Variants in HERC6 observed in about 807,000 individuals in gnomAD.
The protein encoded by HERC6 is probable E3 ubiquitin-protein ligase HERC6.
HERC6 carries 101 observed loss-of-function variants against 114.5 expected under a neutral mutation model. The observed-to-expected ratio is 0.88, with a 90% CI of 0.75 to 1.04. HERC6 has a LOEUF of 1.04. Among genes scored for constraint, HERC6 ranks in the 50% least tolerant of loss-of-function variants. The pLI is 0.00. For synonymous variants in HERC6, 408 were observed against 436.2 expected, an observed-to-expected ratio of 0.94 and a Z score of 0.81; for missense variants, 1,133 against 1,230.9, an observed-to-expected ratio of 0.92 and a Z score of 1.19.
At chr4:88,410,987 T>C (rs1736065908) in intron 11 of HERC6, among the ~76,000 whole-genome samples, 1 of 152,188 alleles carries the variant, frequency 6.6e-6, no homozygotes, top group Non-Finnish European at 1.5e-5. Context: ...TCTGCATTAG[T>C]TAGATAAAAG....
At chr4:88,396,371 G>T (rs1735229492) in intron 6 of HERC6, among the ~76,000 whole-genome samples, 1 of 152,150 alleles carries the variant, frequency 6.6e-6, no homozygotes, top group Admixed American at 6.5e-5. Flanking sequence ...TGTACCAGGT[G>T]CTGGAGAATG....
At chr4:88,432,685 C>T (rs762183678) in intron 17 of HERC6, among the ~76,000 whole-genome samples, 5 of 151,222 alleles carry the variant, frequency 3.3e-5, no homozygotes, top group South Asian at 4.2e-4. Context: ...GCTGAGATTG[C>T]GCCATAGCAC....
At chr4:88,412,959 A>T (rs927074592) in intron 11 of HERC6, 118 bp from the exon 12 acceptor site, 26 of 718,112 alleles carry the variant, frequency 3.6e-5, no homozygotes, top group Non-Finnish European at 5.6e-5. Context: ...AGAATGGCTA[A>T]GTGATTATTC....
chr4:88,428,520 A>G (rs1345026358), intron 15 of HERC6, 60 bp from the exon 16 acceptor site: 3 of 1,316,436 alleles, frequency 2.3e-6, no homozygotes, highest in Non-Finnish European at 3.1e-6. Flanking sequence ...AGTATTAAAC[A>G]ATCCTTGGGA....
chr4:88,398,262 A>G lies in HERC6; in HGVS notation c.1092+53A>G, dbSNP rs550935085. On this transcript the variant is annotated intron_variant, in intron 8 of 22. Transcript: ENST00000264346. ...AAAAATTATTTTTTCTCAAGATTTC[A>G]GACCGGTATTTGAAATACTGTATTA... 10 of 1,140,066 alleles carry G rather than the reference A, an allele frequency of 8.8e-6. No homozygotes were observed. The South Asian group carries it at 1.6e-4, about 18-fold the overall frequency. The allele number at this position is 1,140,066 out of a possible 1,614,324, so 70.6% of individuals were successfully genotyped here. A position where few individuals can be genotyped will look rare whatever the true frequency, so the allele number is the denominator to read the frequency against.
At chr4:88,408,963 A>C (rs1200517565) in intron 11 of HERC6, among the ~76,000 whole-genome samples, 1 of 152,096 alleles carries the variant, frequency 6.6e-6, no homozygotes, top group Non-Finnish European at 1.5e-5. Context: ...TAGGGAATAG[A>C]AACTGTCCTC....
chr4:88,419,974 C>T (rs920145422), intron 13 of HERC6, among the ~76,000 whole-genome samples: 2 of 151,956 alleles, frequency 1.3e-5, no homozygotes, highest in Admixed American at 6.6e-5. Context: ...CTCCCTCTCC[C>T]TCAAACATTG....
At chr4:88,412,980 A>G (rs1578393750) in intron 11 of HERC6, 97 bp from the exon 12 acceptor site, 2 of 832,838 alleles carry the variant, frequency 2.4e-6, no homozygotes, top group Non-Finnish European at 3.8e-6. Context: ...TAATTGGAAC[A>G]TGGTGGAGTG....
intron 15 of HERC6, among the ~76,000 whole-genome samples, chr4:88,424,918 C>T (rs1318326886): frequency 6.6e-6 from 1 of 152,160 alleles, no homozygotes; most frequent in Non-Finnish European, 1.5e-5. Context: ...TACTTCAATG[C>T]ATTATTTCTG....
rs367578897 is a variant in HERC6 at position 88,428,739 on chromosome 4, A to G, written c.2095A>G (p.Lys699Glu). The G allele has an allele frequency of 2.4e-5, 37 of 1,571,224 alleles. No homozygotes were observed. In the African/African-American group the frequency reaches 4.1e-4, roughly 17 times the overall value. ...LSQAEATDFC[K>E]VLVVEFINEI... Reference sequence around the variant, plus strand: ...TCAAGCTGAAGCTACTGACTTCTGCAAAGTATTAGTGGTACAGTAAAAAGT... The same window carrying G: ...TCAAGCTGAAGCTACTGACTTCTGCGAAGTATTAGTGGTACAGTAAAAAGT... The change falls in exon 16 of 23, where the codon AAA (lysine) becomes GAA (glutamate). Residue 699 changes from lysine to glutamate, a missense_variant. Lys to Glu is a moderately conservative substitution (Grantham distance 56, BLOSUM62 1). Transcript: ENST00000264346.
chr4:88,426,021 G>A lies in HERC6; in HGVS notation c.1935+1319G>A, dbSNP rs114983920. 3.2e-3 allele frequency among the ~76,000 whole-genome samples: 484 copies of A among 152,050 alleles called. 2 individuals are homozygous for A. The highest frequency in any genetic ancestry group is 0.011 in the African/African-American group (450 of 41,446). ...GTTATTCATTCCCTTTTTATACCCC[G>A]CTAATTACATGGCTTACATGACATT... On this transcript the variant is annotated intron_variant, in intron 15 of 22. Transcript: ENST00000264346.
intron 11 of HERC6, among the ~76,000 whole-genome samples, chr4:88,409,226 T>C (rs924811167): frequency 2.6e-5 from 4 of 152,210 alleles, no homozygotes; most frequent in Admixed American, 6.5e-5. Context: ...TCATTAGTTT[T>C]ACAAGAACAA....
intron 13 of HERC6, among the ~76,000 whole-genome samples, chr4:88,421,431 G>A (rs1245980594): frequency 4.0e-5 from 6 of 149,824 alleles, no homozygotes; most frequent in East Asian, 3.9e-4. Context: ...GTTTTTCCAC[G>A]TTCTTTTTTC....
At chr4:88,390,587 TA>T (rs2148875114) in intron 3 of HERC6, 64 bp from the exon 4 acceptor site, 1 of 1,341,632 alleles carries the variant, frequency 7.5e-7, no homozygotes, top group Non-Finnish European at 1.0e-6. Context: ...GTAGAATTAG[TA>T]GTTTCTATTT....
rs756622815 is a variant in HERC6, at chr4:88,435,882, G to A, written c.2408G>A (p.Arg803Gln). The A allele has an allele frequency of 6.9e-6, 11 of 1,599,732 alleles. No homozygotes were observed. Among genetic ancestry groups the A allele is most frequent in the East Asian group, 6.7e-5 (3 of 44,616 alleles). ...SLEDLKELSP[R>Q]LGKSLQEVLD... ...GAAGATTTAAAAGAACTCAGTCCTC[G>A]GTTGGGGAAGTAAGTAAATATAACG... Residue 803 changes from arginine to glutamine, a missense_variant, in exon 18 of 23, where the codon CGG becomes CAG. Physicochemically the swap from Arg to Gln is conservative, Grantham distance 43. This residue lies in a region of HERC6 where 388 missense variants were observed against 445.9 expected (regional missense o/e 0.87). Transcript: ENST00000264346.
intron 2 of HERC6, among the ~76,000 whole-genome samples, chr4:88,385,274 T>G (rs1734516180): frequency 1.3e-5 from 2 of 152,232 alleles, no homozygotes; most frequent in South Asian, 4.1e-4. Flanking sequence ...CAATGGCTTT[T>G]GCATTTATAT....
Position 88,405,684 on chromosome 4 carries a change from G to C in HERC6, c.1274+71G>C, listed in dbSNP as rs142529762. The C allele has an allele frequency of 5.0e-4, 402 of 807,084 alleles. 2 individuals carry two copies. The African/African-American group carries it at 6.0e-3, about 12-fold the overall frequency. 50.0% of individuals were successfully genotyped at this position (807,084 alleles called of 1,614,324 possible). On this transcript the variant is annotated intron_variant, in intron 10 of 22. Coordinates refer to ENST00000264346, the MANE Select transcript of HERC6 (RefSeq NM_017912.4). ...ATTTAAAATGAAATGTTTCAAGTAA[G>C]TTTAATTTGTGAATTTTGTTATTCT...
intron 11 of HERC6, among the ~76,000 whole-genome samples, chr4:88,410,971 A>G (rs1736064757): frequency 6.6e-6 from 1 of 152,184 alleles, no homozygotes; most frequent in African/African-American, 2.4e-5. Flanking sequence ...TTCATACTAG[A>G]AGAGCTCTGC....
intron 4 of HERC6, among the ~76,000 whole-genome samples, chr4:88,392,148 C>T (rs1254728377): frequency 7.8e-6 from 1 of 129,008 alleles, no homozygotes; most frequent in Non-Finnish European, 1.7e-5. Flanking sequence ...CCCCTGTCTT[C>T]CCTTCTGTCC....
Sources: allele counts gnomAD v4.1 joint callset (sites outside exome capture counted in the v4.1 genomes callset), GRCh38; gene constraint gnomAD v4.1.1; regional missense constraint gnomAD v4.1.1; transcripts MANE v1.5; gene names NCBI Gene and HGNC (gene_info 2026-07-23, HGNC 2026-07-21).